The following SLC67A2 variants were observed in gnomAD, a reference collection of about 807,000 sequenced individuals.
The protein encoded by SLC67A2 is solute carrier family 67 member A2.
At chr2:102,718,539 C>A in the SLC67A2 span, 2 of 1,607,968 alleles carry the variant, frequency 1.2e-6, no homozygotes, top group African/African-American at 1.4e-5. Context: ...CAAGGGCTGA[C>A]CTCCTGGGCA....
chr2:102,730,635 C>T, the SLC67A2 span, among the ~76,000 whole-genome samples: 34,186 of 149,208 alleles, frequency 0.23, 3,843 homozygotes, highest in Middle Eastern at 0.28. Flanking sequence ...CTCCGCCTCC[C>T]GGCTTCACAC....
the SLC67A2 span, chr2:102,726,715 A>T: frequency 2.2e-6 from 3 of 1,359,654 alleles, no homozygotes; most frequent in Non-Finnish European, 3.0e-6. Flanking sequence ...CTCCCTTCTG[A>T]ACACTCTTTA....
the SLC67A2 span, chr2:102,726,880 T>A: frequency 1.2e-6 from 2 of 1,604,166 alleles, no homozygotes; most frequent in East Asian, 4.5e-5. Flanking sequence ...CAGAAACACA[T>A]TGGTGGCTGC....
chr2:102,724,994 T>C, the SLC67A2 span, among the ~76,000 whole-genome samples: 1 of 152,238 alleles, frequency 6.6e-6, no homozygotes, highest in African/African-American at 2.4e-5. Flanking sequence ...ATGATTCTTT[T>C]TGAAATTGTA....
At chr2:102,732,485 A>T in the SLC67A2 span, 11 of 1,218,462 alleles carry the variant, frequency 9.0e-6, no homozygotes, top group Admixed American at 7.0e-5. Context: ...AAACTAATTT[A>T]AAAAATAAAA....
the SLC67A2 span, among the ~76,000 whole-genome samples, chr2:102,721,308 T>A: frequency 6.6e-6 from 1 of 152,294 alleles, no homozygotes; most frequent in South Asian, 2.1e-4. Context: ...TTTGAGATTT[T>A]TATCTAGGTT....
At chr2:102,723,728 G>A in the SLC67A2 span, 3 of 1,614,188 alleles carry the variant, frequency 1.9e-6, no homozygotes, top group Non-Finnish European at 2.5e-6. Context: ...CCAAAAAGCA[G>A]ATGAAGGCTG....
the SLC67A2 span, chr2:102,717,800 AC>A: frequency 1.3e-5 from 2 of 152,696 alleles, no homozygotes; most frequent in South Asian, 4.1e-4. Flanking sequence ...CTTACAAAAC[AC>A]CACGGATTTC....
chr2:102,716,719 T>C, the SLC67A2 span: 1 of 152,232 alleles, frequency 6.6e-6, no homozygotes. Flanking sequence ...TATTTACAAG[T>C]ATGCATGTGT....
chr2:102,722,462 T>C, the SLC67A2 span, among the ~76,000 whole-genome samples: 2 of 152,226 alleles, frequency 1.3e-5, no homozygotes, highest in Admixed American at 6.5e-5. Context: ...TAGCAGGAGA[T>C]TGCATAGTCT....
the SLC67A2 span, among the ~76,000 whole-genome samples, chr2:102,731,631 G>A: frequency 6.6e-6 from 1 of 152,084 alleles, no homozygotes; most frequent in Non-Finnish European, 1.5e-5. Flanking sequence ...GTAATTCCAA[G>A]TACATTTGTC....
At chr2:102,726,314 TAAC>T in the SLC67A2 span, among the ~76,000 whole-genome samples, 2 of 152,142 alleles carry the variant, frequency 1.3e-5, no homozygotes, top group Non-Finnish European at 2.9e-5. Flanking sequence ...CAAAGACACT[TAAC>T]AAATTCTTAC....
chr2:102,730,545 A>ATT, the SLC67A2 span, among the ~76,000 whole-genome samples: 2 of 145,018 alleles, frequency 1.4e-5, no homozygotes, highest in East Asian at 2.0e-4. Flanking sequence ...TGGTAATAAC[A>ATT]TTTTTTTTTT....
chr2:102,726,763 C>A, the SLC67A2 span: 1 of 1,517,990 alleles, frequency 6.6e-7, no homozygotes, highest in Non-Finnish European at 8.8e-7. Context: ...CAGAGGTGGC[C>A]CAGGAGGAAG....
At chr2:102,723,988 T>C in the SLC67A2 span, 2 of 1,189,920 alleles carry the variant, frequency 1.7e-6, no homozygotes, top group Non-Finnish European at 2.5e-6. Flanking sequence ...GCTTAACCTC[T>C]ATCCCTGATG....
the SLC67A2 span, chr2:102,718,579 G>A: frequency 6.2e-7 from 1 of 1,613,218 alleles, no homozygotes; most frequent in Non-Finnish European, 8.5e-7. Context: ...CGATGATGCG[G>A]CCCACTGCAG....
the SLC67A2 span, chr2:102,731,122 G>C: frequency 1.4e-6 from 2 of 1,446,158 alleles, no homozygotes; most frequent in Non-Finnish European, 1.9e-6. Context: ...CACAAAAATG[G>C]ATTAATGTGA....
the SLC67A2 span, among the ~76,000 whole-genome samples, chr2:102,732,588 G>C: frequency 6.6e-6 from 1 of 152,178 alleles, no homozygotes; most frequent in Non-Finnish European, 1.5e-5. Context: ...GCCTGGATTA[G>C]TCTGACCTGG....
At chr2:102,724,425 A>T in the SLC67A2 span, among the ~76,000 whole-genome samples, 2 of 152,154 alleles carry the variant, frequency 1.3e-5, no homozygotes, top group Non-Finnish European at 2.9e-5. Context: ...TCACTGAACC[A>T]ATACCAATGG....
Sources: gnomAD v4.1 joint callset for allele counts (sites outside exome capture counted in the v4.1 genomes callset) on GRCh38, gnomAD v4.1.1 for gene constraint, MANE v1.5 for transcripts, NCBI Gene and HGNC (gene_info 2026-07-23, HGNC 2026-07-21) for gene names.